Variants in QSOX1 observed in about 807,000 individuals in gnomAD.
The protein encoded by QSOX1 is sulfhydryl oxidase 1.
A neutral mutation model predicts 76.1 loss-of-function variants in QSOX1; 40 were observed. The observed-to-expected ratio is 0.53, with a 90% CI of 0.41 to 0.68. QSOX1 has a LOEUF of 0.68. QSOX1 is among the 30% of genes least tolerant of loss of function. The pLI is 0.00. For missense variants in QSOX1, 931 were observed against 974.3 expected, an observed-to-expected ratio of 0.96 and a Z score of 0.59; for synonymous variants, 392 against 413.1, an observed-to-expected ratio of 0.95 and a Z score of 0.62.
intron 1 of QSOX1, among the ~76,000 whole-genome samples, chr1:180,158,001 A>C (rs1357645945): frequency 1.3e-5 from 2 of 152,240 alleles, no homozygotes; most frequent in African/African-American, 2.4e-5. Context: ...GTAGTTATTT[A>C]TTACACGCTT....
rs1245460574 is a variant in QSOX1 at position 180,201,609 on chromosome 1, A to G, written c.*4572A>G. The stretch of plus-strand genomic sequence containing the variant: ...CCTGACTCCTTGTCCCTCCTCAGGC[A>G]TGCTGTTGTGCAGGACAGAGCCCTG... On this transcript the variant is annotated 3_prime_UTR_variant, in exon 12 of 12. Transcript: ENST00000367602. 6.6e-6 allele frequency: 1 copy of G among 152,330 alleles called. No individual in the cohort carries two copies. Among genetic ancestry groups the G allele is most frequent in the Admixed American group, 6.5e-5 (1 of 15,290 alleles). The allele number at this position is 152,330 out of a possible 1,614,324, so 9.4% of individuals were successfully genotyped here.
At position 180,175,839 on chromosome 1, in the gene QSOX1, G is replaced by A. The variant is rs190213907; in HGVS notation, c.413-92G>A. ...CTCTGTCAGAGCTGGCTGTGCCCTC[G>A]GCCCTTTGTTTCTGGGAGTGAAGGT... On this transcript the variant is annotated intron_variant, in intron 3 of 11. Transcript: ENST00000367602. The A allele has an allele frequency of 6.8e-5, 68 of 994,138 alleles. No individual in the cohort carries two copies. In the African/African-American group the frequency reaches 8.3e-4, roughly 12 times the overall value. The allele number at this position is 994,138 out of a possible 1,614,324, so 61.6% of individuals were successfully genotyped here.
rs1384797935 is a variant in QSOX1, at chr1:180,199,386, C to T, written c.*2349C>T. 3 of 152,120 alleles carry T rather than the reference C, an allele frequency of 2.0e-5. No individual in the cohort carries two copies. The highest frequency in any genetic ancestry group is 4.4e-5 in the Non-Finnish European group (3 of 68,050). 9.4% of individuals were successfully genotyped at this position (152,120 alleles called of 1,614,324 possible). A position where few individuals can be genotyped will look rare whatever the true frequency, so the allele number is the denominator to read the frequency against. On this transcript the variant is annotated 3_prime_UTR_variant, in exon 12 of 12. Coordinates refer to ENST00000367602, the MANE Select transcript of QSOX1 (RefSeq NM_002826.5). ...AGGGGAGCCCTGCAAAGCAAAGGCT[C>T]CTTGTCTGGGGCGGGATAGAGAATC...
At chr1:180,192,630 C>G (rs1180808958) in intron 10 of QSOX1, among the ~76,000 whole-genome samples, 2 of 152,008 alleles carry the variant, frequency 1.3e-5, no homozygotes, top group Non-Finnish European at 2.9e-5. Context: ...GGTTGTGGGG[C>G]CTGAGCCTCT....
chr1:180,175,812 G>A lies in QSOX1; in HGVS notation c.413-119G>A, dbSNP rs558921214. On this transcript the variant is annotated intron_variant, in intron 3 of 11. Coordinates refer to ENST00000367602, the MANE Select transcript of QSOX1 (RefSeq NM_002826.5). ...ACAGGGAAGGACTGACGCCTCGTCT[G>A]TCTCTGTCAGAGCTGGCTGTGCCCT... 1.5e-4 allele frequency: 116 copies of A among 769,316 alleles called. 1 individual carries two copies. In the South Asian group the frequency reaches 1.9e-3, roughly 12 times the overall value. 47.7% of individuals were successfully genotyped at this position (769,316 alleles called of 1,614,324 possible). A position where few individuals can be genotyped will look rare whatever the true frequency, so the allele number is the denominator to read the frequency against.
At chr1:180,163,687 A>G (rs1003360436) in intron 1 of QSOX1, among the ~76,000 whole-genome samples, 1 of 152,238 alleles carries the variant, frequency 6.6e-6, no homozygotes, top group African/African-American at 2.4e-5. Context: ...TTAACGTAAA[A>G]TAACCGTAAG....
intron 1 of QSOX1, among the ~76,000 whole-genome samples, chr1:180,160,531 A>C (rs571696881): frequency 6.6e-6 from 1 of 152,138 alleles, no homozygotes; most frequent in African/African-American, 2.4e-5. Context: ...TTGGTCATGT[A>C]AAGATCTGGG....
chr1:180,200,344 T>TG lies in QSOX1; in HGVS notation c.*3308dup, dbSNP rs1474684284. On this transcript the variant is annotated 3_prime_UTR_variant, in exon 12 of 12. Transcript: ENST00000367602. ...TACCTGAAAACTCAAGGGGCCCTGT[T>TG]GTGCTTGGAGGGGGGTGCCGTTCCC... 2 of 152,226 alleles carry TG rather than the reference T, an allele frequency of 1.3e-5. No homozygotes were observed. The highest frequency in any genetic ancestry group is 2.9e-5 in the Non-Finnish European group (2 of 68,076). The allele number at this position is 152,226 out of a possible 1,614,324, so 9.4% of individuals were successfully genotyped here. A position where few individuals can be genotyped will look rare whatever the true frequency, so the allele number is the denominator to read the frequency against.
intron 2 of QSOX1, among the ~76,000 whole-genome samples, chr1:180,172,276 G>C (rs1475562004): frequency 6.6e-6 from 1 of 152,222 alleles, no homozygotes; most frequent in African/African-American, 2.4e-5. Flanking sequence ...CTAGGAAGAA[G>C]TTCCTGAAGA....
At chr1:180,185,028 C>T (rs1663138495) in intron 7 of QSOX1, among the ~76,000 whole-genome samples, 1 of 152,140 alleles carries the variant, frequency 6.6e-6, no homozygotes, top group Admixed American at 6.6e-5. Flanking sequence ...TGCTGGGCAC[C>T]TTCCCTGTGT....
intron 6 of QSOX1, among the ~76,000 whole-genome samples, chr1:180,183,377 A>G (rs78650493): frequency 7.3e-6 from 1 of 137,456 alleles, no homozygotes; most frequent in African/African-American, 2.7e-5. Flanking sequence ...GAAAGAAACC[A>G]AAAAGACCGT....
chr1:180,176,306 GA>G (rs1430283576), intron 4 of QSOX1, among the ~76,000 whole-genome samples: 3 of 152,230 alleles, frequency 2.0e-5, no homozygotes, highest in Non-Finnish European at 4.4e-5. Context: ...AGGTGGGAAG[GA>G]AAAGATGGAT....
chr1:180,185,170 C>T (rs984726650), intron 7 of QSOX1, among the ~76,000 whole-genome samples: 10 of 152,156 alleles, frequency 6.6e-5, no homozygotes, highest in African/African-American at 1.4e-4. Flanking sequence ...AGCCACAATG[C>T]GTACCCCATT....
At chr1:180,185,621 AG>A (rs1663151722) in intron 7 of QSOX1, among the ~76,000 whole-genome samples, 1 of 152,152 alleles carries the variant, frequency 6.6e-6, no homozygotes, top group African/African-American at 2.4e-5. Flanking sequence ...GAGAGGGCCC[AG>A]TTTTTCCAGA....
At chr1:180,166,457 C>A in intron 1 of QSOX1, 34 bp from the exon 2 acceptor site, 1 of 1,577,036 alleles carries the variant, frequency 6.3e-7, no homozygotes, top group Non-Finnish European at 8.7e-7. Flanking sequence ...GTACCAGCCC[C>A]TCTTATTTAC....
chr1:180,192,538 G>T (rs1044526503), intron 10 of QSOX1, among the ~76,000 whole-genome samples: 1 of 152,178 alleles, frequency 6.6e-6, no homozygotes, highest in African/African-American at 2.4e-5. Flanking sequence ...CAGATTTGGG[G>T]ATATGTTAAA....
At chr1:180,157,226 G>T (rs1041966973) in intron 1 of QSOX1, among the ~76,000 whole-genome samples, 1 of 152,242 alleles carries the variant, frequency 6.6e-6, no homozygotes, top group Non-Finnish European at 1.5e-5. Context: ...GGAAACTGGA[G>T]GTCTCCTGTG....
chr1:180,186,307 C>A, intron 8 of QSOX1, 125 bp downstream of exon 8: 1 of 1,288,176 alleles, frequency 7.8e-7, no homozygotes, highest in Non-Finnish European at 1.1e-6. Context: ...GACACCTGGA[C>A]CCACAGCTCT....
At chr1:180,160,703 A>G (rs905181999) in intron 1 of QSOX1, among the ~76,000 whole-genome samples, 1 of 152,228 alleles carries the variant, frequency 6.6e-6, no homozygotes, top group South Asian at 2.1e-4. Flanking sequence ...AGTTTTGGGA[A>G]AGCATGAAGT....
Sources: allele counts gnomAD v4.1 joint callset (sites outside exome capture counted in the v4.1 genomes callset), GRCh38; gene constraint gnomAD v4.1.1; transcripts MANE v1.5; gene names NCBI Gene and HGNC (gene_info 2026-07-23, HGNC 2026-07-21).